SPMAP2L: variants seen among roughly 807,000 people sequenced by gnomAD.
SPMAP2L encodes sperm microtubule associated protein 2-like.
At chr4:56,534,783 G>A in the SPMAP2L span, among the ~76,000 whole-genome samples, 2 of 152,136 alleles carry the variant, frequency 1.3e-5, no homozygotes, top group Admixed American at 1.3e-4. Flanking sequence ...AAAAAAAATA[G>A]CTAGGCGTGG....
the SPMAP2L span, among the ~76,000 whole-genome samples, chr4:56,591,057 T>A: frequency 6.6e-6 from 1 of 152,214 alleles, no homozygotes; most frequent in Admixed American, 6.5e-5. Context: ...CAATATGTTA[T>A]GGTTTGATTT....
At chr4:56,594,143 C>T in the SPMAP2L span, 1 of 1,610,856 alleles carries the variant, frequency 6.2e-7, no homozygotes, top group Non-Finnish European at 8.5e-7. Flanking sequence ...ATCTGCAGAA[C>T]TGGTTGCTGA....
the SPMAP2L span, chr4:56,593,723 A>G: frequency 1.9e-6 from 3 of 1,577,088 alleles, no homozygotes; most frequent in African/African-American, 4.0e-5. Context: ...AAGAGACGCC[A>G]CTGGGAAAGA....
the SPMAP2L span, chr4:56,530,761 G>A: frequency 6.5e-7 from 1 of 1,535,352 alleles, no homozygotes; most frequent in Non-Finnish European, 8.7e-7. Flanking sequence ...CACTTGCTCC[G>A]AAGTCTTCCA....
the SPMAP2L span, among the ~76,000 whole-genome samples, chr4:56,611,212 G>A: frequency 2.0e-5 from 3 of 152,202 alleles, no homozygotes; most frequent in African/African-American, 7.2e-5. Flanking sequence ...ATCAATCAAT[G>A]AGTGGATAAA....
At chr4:56,530,775 G>T in the SPMAP2L span, 1 of 1,535,402 alleles carries the variant, frequency 6.5e-7, no homozygotes, top group Non-Finnish European at 8.7e-7. Context: ...TCTTCCAGAA[G>T]CCCATTGTGC....
At chr4:56,561,171 T>A in the SPMAP2L span, among the ~76,000 whole-genome samples, 1 of 152,234 alleles carries the variant, frequency 6.6e-6, no homozygotes, top group Non-Finnish European at 1.5e-5. Context: ...AATAATATTT[T>A]CAAATTTCTT....
chr4:56,588,735 T>G, the SPMAP2L span, among the ~76,000 whole-genome samples: 1 of 152,150 alleles, frequency 6.6e-6, no homozygotes, highest in Non-Finnish European at 1.5e-5. Context: ...CCAGCCATCT[T>G]CTAGAATTTT....
chr4:56,552,936 C>G, the SPMAP2L span, among the ~76,000 whole-genome samples: 31 of 152,202 alleles, frequency 2.0e-4, no homozygotes, highest in South Asian at 5.0e-3. Context: ...AGAACCACTG[C>G]TCAGGGGTGT....
the SPMAP2L span, chr4:56,593,334 A>G: frequency 8.8e-7 from 1 of 1,142,452 alleles, no homozygotes; most frequent in Non-Finnish European, 1.3e-6. Context: ...ATTGCCACCC[A>G]CAGACAATAG....
chr4:56,602,512 G>A, the SPMAP2L span, among the ~76,000 whole-genome samples: 1 of 152,180 alleles, frequency 6.6e-6, no homozygotes, highest in Admixed American at 6.6e-5. Flanking sequence ...GGGCAACATG[G>A]TGAAACCCCG....
chr4:56,580,452 C>G, the SPMAP2L span, among the ~76,000 whole-genome samples: 2 of 151,892 alleles, frequency 1.3e-5, no homozygotes, highest in Non-Finnish European at 2.9e-5. Flanking sequence ...GCTAAACAAG[C>G]TAGGCATGGA....
chr4:56,608,117 A>G, the SPMAP2L span, among the ~76,000 whole-genome samples: 1 of 152,132 alleles, frequency 6.6e-6, no homozygotes, highest in Non-Finnish European at 1.5e-5. Context: ...TTAATAAGTG[A>G]CAAAAAGAAA....
At chr4:56,595,436 G>A in the SPMAP2L span, 172 of 1,606,750 alleles carry the variant, frequency 1.1e-4, no homozygotes, top group African/African-American at 2.7e-4. Flanking sequence ...ATCAGCATTC[G>A]GCAGGAAGTT....
At chr4:56,586,845 AG>A in the SPMAP2L span, among the ~76,000 whole-genome samples, 2 of 152,118 alleles carry the variant, frequency 1.3e-5, no homozygotes, top group Non-Finnish European at 2.9e-5. Context: ...GCCAGATTCA[AG>A]GGGGCAGCGA....
chr4:56,578,454 A>G, the SPMAP2L span, among the ~76,000 whole-genome samples: 3 of 152,292 alleles, frequency 2.0e-5, no homozygotes, highest in South Asian at 6.2e-4. Context: ...ATATAGAAAA[A>G]ATAGCAACAT....
the SPMAP2L span, among the ~76,000 whole-genome samples, chr4:56,592,580 C>T: frequency 6.6e-6 from 1 of 152,222 alleles, no homozygotes; most frequent in Non-Finnish European, 1.5e-5. Flanking sequence ...AGCCGCCACC[C>T]GGGGGACCGA....
chr4:56,600,097 C>CTTTCTTTTTTTTTTTTTTTTTTTT, the SPMAP2L span, among the ~76,000 whole-genome samples: 1 of 87,782 alleles, frequency 1.1e-5, no homozygotes, highest in African/African-American at 5.1e-5. Flanking sequence ...TCTTTGCTTT[C>CTTTCTTTTTTTTTTTTTTTTTTTT]TTTTTTTTTT....
At chr4:56,588,046 G>A in the SPMAP2L span, among the ~76,000 whole-genome samples, 1 of 152,146 alleles carries the variant, frequency 6.6e-6, no homozygotes, top group African/African-American at 2.4e-5. Flanking sequence ...TTGTAGTTTT[G>A]ATTTGCATTT....
Sources: allele counts gnomAD v4.1 joint callset (sites outside exome capture counted in the v4.1 genomes callset), GRCh38; gene constraint gnomAD v4.1.1; transcripts MANE v1.5; gene names NCBI Gene and HGNC (gene_info 2026-07-23, HGNC 2026-07-21).